The following COL25A1 variants were observed in gnomAD, a reference collection of about 807,000 sequenced individuals.
COL25A1 encodes the protein collagen type XXV alpha 1 chain, also known as collagen alpha-1(XXV) chain.
COL25A1 carries 103 observed loss-of-function variants against 128.4 expected under a neutral mutation model. That is an observed-to-expected ratio of 0.80 (90% CI 0.68 to 0.94). The LOEUF (loss-of-function observed/expected upper bound fraction) is 0.94. COL25A1 is among the 40% of genes least tolerant of loss of function. The pLI is 0.00. For missense variants in COL25A1, 745 were observed against 840.0 expected (o/e 0.89, Z 1.40); for synonymous variants, 279 against 277.2 (o/e 1.01, Z -0.06).
intron 3 of COL25A1, among the ~76,000 whole-genome samples, chr4:109,265,837 A>G (rs1439788648): frequency 2.6e-5 from 4 of 152,202 alleles, no homozygotes; most frequent in Admixed American, 2.0e-4. Flanking sequence ...AAATGGAAAG[A>G]ATGTAACAAA....
At chr4:109,005,415 A>G (rs1174710105) in intron 6 of COL25A1, among the ~76,000 whole-genome samples, 1 of 152,192 alleles carries the variant, frequency 6.6e-6, no homozygotes, top group Non-Finnish European at 1.5e-5. Flanking sequence ...ACACAGATCT[A>G]AACCATATCA....
rs769827170 is a variant in COL25A1, at chr4:109,104,409, T to TCTCTCTCA, written c.368-54231_368-54230insTGAGAGAG. On this transcript the variant is annotated intron_variant, in intron 3 of 37. Coordinates refer to ENST00000399132, the MANE Select transcript of COL25A1 (RefSeq NM_198721.4). ...TAAATAAAAAGGAAATCACTCTCTC[T>TCTCTCTCA]CTCTCTCTCTTTTTTGCAATCTGTA... Among the ~76,000 whole-genome samples the TCTCTCTCA allele has an allele frequency of 2.1e-3, 324 of 151,724 alleles. 2 individuals are homozygous for TCTCTCTCA. Among genetic ancestry groups the TCTCTCTCA allele is most frequent in the Non-Finnish European group, 4.1e-3 (276 of 67,884 alleles).
intron 3 of COL25A1, among the ~76,000 whole-genome samples, chr4:109,178,707 C>T (rs1039310252): frequency 6.6e-6 from 1 of 151,602 alleles, no homozygotes; most frequent in African/African-American, 2.4e-5. Context: ...TGGTGGCGGG[C>T]GCCTGTAGGC....
At chr4:108,861,480 G>A (rs1169646551) in intron 22 of COL25A1, among the ~76,000 whole-genome samples, 1 of 152,182 alleles carries the variant, frequency 6.6e-6, no homozygotes, top group Non-Finnish European at 1.5e-5. Flanking sequence ...GGGGATCTAA[G>A]GAAAAGTTCA....
At chr4:108,886,461 TGTGTGTGTGTGTGTG>T (rs1740790692) in intron 18 of COL25A1, among the ~76,000 whole-genome samples, 1 of 114,710 alleles carries the variant, frequency 8.7e-6, no homozygotes, top group African/African-American at 2.9e-5. Context: ...TGTGTGTGTG[TGTGTGTGTGTGTGTG>T]TGTGTGTGTG....
At chr4:109,070,580 A>C (rs1762849327) in intron 3 of COL25A1, among the ~76,000 whole-genome samples, 1 of 152,026 alleles carries the variant, frequency 6.6e-6, no homozygotes, top group South Asian at 2.1e-4. Flanking sequence ...GTACATGTGC[A>C]CAACGTGCAG....
chr4:109,063,034 G>C (rs903563649), intron 3 of COL25A1, among the ~76,000 whole-genome samples: 15 of 152,104 alleles, frequency 9.9e-5, no homozygotes, highest in African/African-American at 3.6e-4. Flanking sequence ...TTCTGAAAAG[G>C]CCTCATGAAT....
chr4:109,198,954 T>A (rs1205603900), intron 3 of COL25A1, among the ~76,000 whole-genome samples: 1 of 152,180 alleles, frequency 6.6e-6, no homozygotes, highest in Non-Finnish European at 1.5e-5. Flanking sequence ...TTACTGAATC[T>A]AAATAAGACC....
intron 10 of COL25A1, 84 bp from the exon 11 acceptor site, chr4:108,937,927 G>A (rs1463189180): frequency 2.8e-6 from 3 of 1,063,258 alleles, no homozygotes; most frequent in South Asian, 1.5e-5. Flanking sequence ...CTTTGACTGG[G>A]GCATGTAAAT....
rs530493889 is a variant in COL25A1, at chr4:109,037,880, T to C, written c.420+10288A>G. On this transcript the variant is annotated intron_variant, in intron 5 of 37. Coordinates refer to ENST00000399132, the MANE Select transcript of COL25A1 (RefSeq NM_198721.4). The stretch of plus-strand genomic sequence containing the variant: ...TTCAATTAAATGTATTATATTATTA[T>C]TAGCCAGGAAAGCTTATCAAATCAG... Among the ~76,000 whole-genome samples the C allele has an allele frequency of 1.1e-3, 164 of 152,292 alleles. 1 individual carries two copies. Among genetic ancestry groups the C allele is most frequent in the South Asian group, 1.9e-3 (9 of 4,830 alleles).
chr4:108,845,962 C>A (rs1293412559), intron 28 of COL25A1, among the ~76,000 whole-genome samples, 177 bp downstream of exon 28: 4 of 152,138 alleles, frequency 2.6e-5, no homozygotes, highest in African/African-American at 9.7e-5. Flanking sequence ...ACATGCCTTA[C>A]AATTTGAGTT....
intron 6 of COL25A1, among the ~76,000 whole-genome samples, chr4:108,979,891 G>T (rs1752795120): frequency 6.6e-6 from 1 of 152,128 alleles, no homozygotes; most frequent in African/African-American, 2.4e-5. Context: ...AGCTGGAGTT[G>T]AAAAGATGCT....
intron 3 of COL25A1, among the ~76,000 whole-genome samples, chr4:109,161,027 G>A (rs1329386167): frequency 6.6e-6 from 1 of 151,932 alleles, no homozygotes; most frequent in Non-Finnish European, 1.5e-5. Context: ...TTTTGAGACA[G>A]GGTTCTCACT....
chr4:109,191,111 T>A (rs986106855), intron 3 of COL25A1, among the ~76,000 whole-genome samples: 1 of 152,176 alleles, frequency 6.6e-6, no homozygotes, highest in Non-Finnish European at 1.5e-5. Context: ...GCAAACAGCT[T>A]CCTAGAATAG....
At chr4:108,982,212 A>G (rs1753050039) in intron 6 of COL25A1, among the ~76,000 whole-genome samples, 1 of 152,164 alleles carries the variant, frequency 6.6e-6, no homozygotes, top group South Asian at 2.1e-4. Context: ...CACACACACA[A>G]ACAAAACAAA....
rs34056401 is a variant in COL25A1 at position 109,218,357 on chromosome 4, G to GTTTTTTTTTT, written c.367+82216_367+82225dup. On this transcript the variant is annotated intron_variant, in intron 3 of 37. Coordinates refer to ENST00000399132, the MANE Select transcript of COL25A1 (RefSeq NM_198721.4). ...CAGAATCAATTGCTGGTTTTTTGGG[G>GTTTTTTTTTT]TTTTTTTTTTTTTTTTTTTTTTTTT... is the stretch of plus-strand genomic sequence containing the variant. 3.6e-3 allele frequency among the ~76,000 whole-genome samples: 266 copies of GTTTTTTTTTT among 73,548 alleles called. 1 individual carries two copies. Among genetic ancestry groups the GTTTTTTTTTT allele is most frequent in the Middle Eastern group, 0.017 (1 of 58 alleles). 48.3% of individuals were successfully genotyped at this position (73,548 alleles called of 152,430 possible).
intron 3 of COL25A1, among the ~76,000 whole-genome samples, chr4:109,058,604 C>A (rs931666998): frequency 6.6e-6 from 1 of 151,984 alleles, no homozygotes; most frequent in Non-Finnish European, 1.5e-5. Flanking sequence ...TATGTTAATT[C>A]TTATTTATCA....
In COL25A1 at chr4:109,104,627, A is replaced by G. The variant is rs1472853335; in HGVS notation, c.368-54448T>C. ...CCAATTAGAAGGAAATACAAGGAAC[A>G]GGGGAACACATTAAAAGACACCTTT... On this transcript the variant is annotated intron_variant, in intron 3 of 37. Transcript: ENST00000399132. Among the ~76,000 whole-genome samples, 2 of 152,196 alleles carry G rather than the reference A, an allele frequency of 1.3e-5. 1 individual carries two copies. Among genetic ancestry groups the G allele is most frequent in the Non-Finnish European group, 2.9e-5 (2 of 68,028 alleles).
In COL25A1 at chr4:109,007,863, C is replaced by T. The variant is rs560750220; in HGVS notation, c.438+2495G>A. On this transcript the variant is annotated intron_variant, in intron 6 of 37. Coordinates refer to ENST00000399132, the MANE Select transcript of COL25A1 (RefSeq NM_198721.4). ...ACCATCATCCACGGTTCTCCTGGTC[C>T]TGTCCATTCTTGGTTTCCAGTGCTG... Among the ~76,000 whole-genome samples, 3 of 152,300 alleles carry T rather than the reference C, an allele frequency of 2.0e-5. No homozygotes were observed. In the East Asian group the frequency reaches 5.8e-4, roughly 29 times the overall value.
Sources: allele counts gnomAD v4.1 joint callset (sites outside exome capture counted in the v4.1 genomes callset), GRCh38; gene constraint gnomAD v4.1.1; transcripts MANE v1.5; gene names NCBI Gene and HGNC (gene_info 2026-07-23, HGNC 2026-07-21).